GATC: variants seen among roughly 807,000 people sequenced by gnomAD.
GATC encodes the protein glutamyl-tRNA(Gln) amidotransferase subunit C, mitochondrial.
Under a neutral mutation model 14.4 loss-of-function variants are expected in GATC, and 11 were observed. The ratio of observed to expected loss-of-function variants is 0.77; its 90% CI spans 0.48 to 1.27. GATC has a LOEUF of 1.27. Among genes scored for constraint, GATC ranks in the 50% most tolerant of loss-of-function variants. The probability of loss-of-function intolerance (pLI) is 0.00; values close to 1 mark genes in which losing one functional copy is unlikely to be tolerated. For synonymous variants in GATC, 76 were observed against 79.3 expected (o/e 0.96, Z 0.22); for missense variants, 204 against 183.0 (o/e 1.11, Z -0.66).
At chr12:120,449,742 C>T (rs953010622) in intron 2 of GATC, among the ~76,000 whole-genome samples, 2 of 151,742 alleles carry the variant, frequency 1.3e-5, no homozygotes, top group African/African-American at 4.8e-5. Context: ...CTGCCGTGCC[C>T]GGCCACAGTA....
intron 2 of GATC, among the ~76,000 whole-genome samples, chr12:120,448,642 CTTTT>C (rs71451885): frequency 3.4e-5 from 3 of 87,460 alleles, no homozygotes; most frequent in South Asian, 3.9e-4. Context: ...AAGTCCATTC[CTTTT>C]TTTTTTTTTT....
rs1878308679 is a variant in GATC, at chr12:120,460,614, C to G, written c.*655C>G. ...AACTTATCCTAAAATTAGCCCTGGG[C>G]CTGGGACAAAGGAGCCCTCTCCGCC... On this transcript the variant is annotated 3_prime_UTR_variant, in exon 4 of 4. Transcript: ENST00000551765. The G allele has an allele frequency of 6.6e-6, 1 of 152,078 alleles. No homozygotes were observed. The highest frequency in any genetic ancestry group is 6.6e-5 in the Admixed American group (1 of 15,252). 9.4% of individuals were successfully genotyped at this position (152,078 alleles called of 1,614,324 possible). A position where few individuals can be genotyped will look rare whatever the true frequency, so the allele number is the denominator to read the frequency against.
chr12:120,455,615 G>T (rs1443423563), intron 2 of GATC, among the ~76,000 whole-genome samples: 1 of 152,122 alleles, frequency 6.6e-6, no homozygotes, highest in Non-Finnish European at 1.5e-5. Context: ...AATATTTGTT[G>T]TGTCTAGCTT....
intron 3 of GATC, among the ~76,000 whole-genome samples, 172 bp downstream of exon 3, chr12:120,457,351 G>T (rs1183640123): frequency 6.6e-6 from 1 of 152,032 alleles, no homozygotes; most frequent in African/African-American, 2.4e-5. Context: ...ACCTCTAGGG[G>T]GCAGTTAGTA....
intron 3 of GATC, among the ~76,000 whole-genome samples, chr12:120,459,539 C>G (rs2137045905): frequency 6.6e-6 from 1 of 152,274 alleles, no homozygotes; most frequent in Admixed American, 6.5e-5. Context: ...GTAGAGCCAG[C>G]TGGGCGGCAG....
chr12:120,462,271 T>G lies in GATC; in HGVS notation c.*2312T>G. The G allele has an allele frequency of 8.3e-7, 1 of 1,200,646 alleles. No individual in the cohort carries two copies. Among genetic ancestry groups the G allele is most frequent in the South Asian group, 1.6e-5 (1 of 62,984 alleles). 74.4% of individuals were successfully genotyped at this position (1,200,646 alleles called of 1,614,324 possible). ...AGTTAAGTATTGAGCACTTACTGTG[T>G]ACTCTGTGCCTGGCATGAGGCTATC... is the stretch of plus-strand genomic sequence containing the variant. On this transcript the variant is annotated 3_prime_UTR_variant, in exon 4 of 4. Coordinates refer to ENST00000551765, the MANE Select transcript of GATC (RefSeq NM_176818.3).
At chr12:120,446,869 C>G in intron 2 of GATC, 40 bp downstream of exon 2, 2 of 1,533,960 alleles carry the variant, frequency 1.3e-6, no homozygotes, top group Non-Finnish European at 1.8e-6. Context: ...TGACCGTGGC[C>G]CGTTCGCAGC....
rs1878362373 is a variant in GATC at position 120,462,197 on chromosome 12, G to A, written c.*2238G>A. 6 of 1,572,740 alleles carry A rather than the reference G, an allele frequency of 3.8e-6. No individual in the cohort carries two copies. The highest frequency in any genetic ancestry group is 5.2e-6 in the Non-Finnish European group (6 of 1,158,254). On this transcript the variant is annotated 3_prime_UTR_variant, in exon 4 of 4. Transcript: ENST00000551765. ...AAACAAAAACAAAAAGAGTAAAGGGGAAAAAAATCAGAGCCAGAAGAATAA... is the reference window on the plus strand; with the variant it reads ...AAACAAAAACAAAAAGAGTAAAGGGAAAAAAAATCAGAGCCAGAAGAATAA...
intron 1 of GATC, 43 bp from the exon 2 acceptor site, chr12:120,446,613 CG>C: frequency 1.9e-6 from 3 of 1,591,534 alleles, no homozygotes; most frequent in Non-Finnish European, 2.6e-6. Context: ...GGAGGCACTT[CG>C]GAGCGCCGGT....
Position 120,451,875 on chromosome 12 carries a change from C to CT in GATC, c.254+5066dup, listed in dbSNP as rs1170221029. Among the ~76,000 whole-genome samples, 220 of 90,828 alleles carry CT rather than the reference C, an allele frequency of 2.4e-3. 6 individuals carry two copies. The highest frequency in any genetic ancestry group is 5.8e-3 in the East Asian group (15 of 2,568). The allele number at this position is 90,828 out of a possible 152,430, so 59.6% of individuals were successfully genotyped here. On this transcript the variant is annotated intron_variant, in intron 2 of 3. Coordinates refer to ENST00000551765, the MANE Select transcript of GATC (RefSeq NM_176818.3). ...CAGGGGCTAATAAATTATATAAATTCTTTTTTTTTTTTTTTTTTTTGAGCT... is the reference window on the plus strand; with the variant it reads ...CAGGGGCTAATAAATTATATAAATTCTTTTTTTTTTTTTTTTTTTTTGAGCT...
intron 2 of GATC, among the ~76,000 whole-genome samples, chr12:120,455,938 G>A (rs956053523): frequency 5.9e-5 from 9 of 151,504 alleles, no homozygotes; most frequent in East Asian, 2.0e-4. Context: ...CGCCCACCTC[G>A]GCCTCCCAAA....
chr12:120,451,011 G>A (rs1198960526), intron 2 of GATC, among the ~76,000 whole-genome samples: 5 of 151,842 alleles, frequency 3.3e-5, no homozygotes, highest in African/African-American at 4.8e-5. Context: ...GGGCATGGTG[G>A]TGCATGCCTG....
intron 2 of GATC, among the ~76,000 whole-genome samples, chr12:120,449,824 G>A (rs574754603): frequency 1.3e-5 from 2 of 151,826 alleles, no homozygotes; most frequent in African/African-American, 4.8e-5. Context: ...GTGCAATGGC[G>A]CGATCTCAGC....
rs1878351281 is a variant in GATC at position 120,461,909 on chromosome 12, A to C, written c.*1950A>C. On this transcript the variant is annotated 3_prime_UTR_variant, in exon 4 of 4. Coordinates refer to ENST00000551765, the MANE Select transcript of GATC (RefSeq NM_176818.3). Reference sequence around the variant, plus strand: ...GTTTTTTTTCTTCTTTAAAAAAAAAAAATTAAAAAAATTTCCTAAGACACT... The same window carrying C: ...GTTTTTTTTCTTCTTTAAAAAAAAACAATTAAAAAAATTTCCTAAGACACT... 8.3e-7 allele frequency: 1 copy of C among 1,205,910 alleles called. No homozygotes were observed. The highest frequency in any genetic ancestry group is 1.1e-6 in the Non-Finnish European group (1 of 922,844). The allele number at this position is 1,205,910 out of a possible 1,614,324, so 74.7% of individuals were successfully genotyped here. A position where few individuals can be genotyped will look rare whatever the true frequency, so the allele number is the denominator to read the frequency against.
At chr12:120,446,904 A>G (rs1877886704) in intron 2 of GATC, 75 bp downstream of exon 2, 3 of 1,417,804 alleles carry the variant, frequency 2.1e-6, no homozygotes, top group South Asian at 2.7e-5. Context: ...ATTAGCGAAC[A>G]GTTTTCCAGG....
intron 3 of GATC, among the ~76,000 whole-genome samples, chr12:120,458,151 G>A (rs1388902524): frequency 6.7e-6 from 1 of 148,858 alleles, no homozygotes; most frequent in Middle Eastern, 3.5e-3. Context: ...AGGCTGGAGT[G>A]CAATCTTGAC....
At chr12:120,453,369 C>T (rs10774549) in intron 2 of GATC, among the ~76,000 whole-genome samples, 39,305 of 152,100 alleles carry the variant, frequency 0.26, 5,943 homozygotes, top group East Asian at 0.5. Context: ...AACCAGAACA[C>T]AGAAAGATTC....
chr12:120,447,486 C>A (rs1000760678), intron 2 of GATC, among the ~76,000 whole-genome samples: 2 of 152,092 alleles, frequency 1.3e-5, no homozygotes, highest in Admixed American at 6.6e-5. Context: ...AAGACAAGTT[C>A]TTTTCCTCTC....
At chr12:120,450,312 T>G (rs1206884382) in intron 2 of GATC, 1 of 152,246 alleles carries the variant, frequency 6.6e-6, no homozygotes, top group Non-Finnish European at 1.5e-5. Flanking sequence ...CATTTTAATG[T>G]GACATCTGTA....
Sources: gnomAD v4.1 joint callset for allele counts (sites outside exome capture counted in the v4.1 genomes callset) on GRCh38, gnomAD v4.1.1 for gene constraint, MANE v1.5 for transcripts, NCBI Gene and HGNC (gene_info 2026-07-23, HGNC 2026-07-21) for gene names.